PNPLA1: variants seen among roughly 807,000 people sequenced by gnomAD.
PNPLA1 encodes the protein omega-hydroxyceramide transacylase.
A neutral mutation model predicts 51.7 loss-of-function variants in PNPLA1; 36 were observed. That is an observed-to-expected ratio of 0.70 (90% CI 0.53 to 0.92). The LOEUF is 0.92. Among genes scored for constraint, PNPLA1 ranks in the 40% least tolerant of loss-of-function variants. PNPLA1 has a pLI of 0.00. For synonymous variants in PNPLA1, 293 were observed against 280.1 expected (o/e 1.05, Z -0.46); for missense variants, 658 against 682.5 (o/e 0.96, Z 0.40).
chr6:36,293,718 A>G (rs1770763089), intron 3 of PNPLA1, among the ~76,000 whole-genome samples: 1 of 152,184 alleles, frequency 6.6e-6, no homozygotes, highest in African/African-American at 2.4e-5. Context: ...CAGGTAGTAG[A>G]TGGAGCTTGT....
chr6:36,265,829 TC>T (rs978828590), upstream of PNPLA1, among the ~76,000 whole-genome samples: 17 of 152,330 alleles, frequency 1.1e-4, no homozygotes, highest in African/African-American at 3.8e-4. Context: ...TAGCCAGCCT[TC>T]AAATTTGCCC....
chr6:36,275,810 T>C (rs1312842419), intron 1 of PNPLA1, among the ~76,000 whole-genome samples: 1 of 152,220 alleles, frequency 6.6e-6, no homozygotes, highest in Non-Finnish European at 1.5e-5. Context: ...TCTTTCCATT[T>C]GTAAATATAG....
rs764676580 is a variant in PNPLA1, at chr6:36,313,292, A to G, written c.*1406A>G. 6.6e-6 allele frequency among the ~76,000 whole-genome samples: 1 copy of G among 152,176 alleles called. No homozygotes were observed. The highest frequency in any genetic ancestry group is 1.5e-5 in the Non-Finnish European group (1 of 68,038). ...CAGCCTCAATTTTTCCAGCCTGTCC[A>G]GAAAATAATTGCCCCCCTCCTCCCC... On this transcript the variant is annotated 3_prime_UTR_variant, in exon 9 of 9. Transcript: ENST00000636260.
chr6:36,302,307 T>G lies in PNPLA1; in HGVS notation c.1222T>G (p.Ser408Ala). 1 of 1,614,064 alleles carries G rather than the reference T, an allele frequency of 6.2e-7. No individual in the cohort carries two copies. The highest frequency in any genetic ancestry group is 8.5e-7 in the Non-Finnish European group (1 of 1,179,986). ...GTCACCTCAGCAGCAGGTACAACCG[T>G]CTGGATCACCAGCCAGATCCCTACA... ...PLSPQQQVQP[S>A]GSPARSLHSQ... Residue 408 changes from serine to alanine, a missense_variant, in exon 6 of 9, where the codon TCT (serine) becomes GCT (alanine). By Grantham distance (99) the Ser-to-Ala change is moderately conservative (BLOSUM62 1). Coordinates refer to ENST00000636260, the MANE Select transcript of PNPLA1 (RefSeq NM_001374623.1).
At chr6:36,293,646 G>A (rs1319853818) in intron 3 of PNPLA1, among the ~76,000 whole-genome samples, 1 of 152,172 alleles carries the variant, frequency 6.6e-6, no homozygotes, top group Non-Finnish European at 1.5e-5. Context: ...AGTGGTGATG[G>A]TCTAGCTCAT....
At chr6:36,247,555 A>T (rs1048819160) in intron 1 of PNPLA1, among the ~76,000 whole-genome samples, 1 of 152,244 alleles carries the variant, frequency 6.6e-6, no homozygotes, top group African/African-American at 2.4e-5. Context: ...ATTAAAGTGT[A>T]TAGTCGATGA....
chr6:36,274,868 CT>C (rs1770043067), intron 1 of PNPLA1, among the ~76,000 whole-genome samples: 1 of 152,202 alleles, frequency 6.6e-6, no homozygotes, highest in South Asian at 2.1e-4. Flanking sequence ...CCACCTTTCC[CT>C]GTTTTTTCCT....
chr6:36,291,632 C>T (rs775681480), intron 2 of PNPLA1, 80 bp downstream of exon 2: 143 of 1,218,536 alleles, frequency 1.2e-4, no homozygotes, highest in Non-Finnish European at 1.6e-4. Flanking sequence ...CAGCTCAACC[C>T]GATGCCTTAT....
intron 1 of PNPLA1, among the ~76,000 whole-genome samples, chr6:36,259,833 G>A (rs1053975001): frequency 6.6e-6 from 1 of 152,096 alleles, no homozygotes; most frequent in African/African-American, 2.4e-5. Context: ...GATCTACTAG[G>A]GAGGGAGGGA....
intron 8 of PNPLA1, chr6:36,308,492 A>G (rs184876003): frequency 2.6e-5 from 4 of 152,294 alleles, no homozygotes; most frequent in African/African-American, 7.2e-5. Flanking sequence ...CTTTTTGACT[A>G]TATTATGCTG....
rs1422852743 is a variant in PNPLA1, at chr6:36,306,285, C to A, written c.1385-7C>A. 3.0e-5 allele frequency: 49 copies of A among 1,607,358 alleles called. 1 individual carries two copies. The Admixed American group carries it at 8.4e-4, about 27-fold the overall frequency. ...CTCACTCCCGTTTCCTATATCTTTA[C>A]TTTTAGCTGTAGCTCTTCTTGTCTC... On this transcript the variant is annotated splice_polypyrimidine_tract_variant and splice_region_variant and intron_variant, in intron 6 of 8. Transcript: ENST00000636260.
chr6:36,302,805 A>G (rs1489682991), intron 6 of PNPLA1, among the ~76,000 whole-genome samples: 1 of 152,018 alleles, frequency 6.6e-6, no homozygotes, highest in East Asian at 1.9e-4. Context: ...TGCCTTTTTT[A>G]CAAGCCCTCC....
intron 1 of PNPLA1, among the ~76,000 whole-genome samples, chr6:36,247,104 C>T (rs1582018603): frequency 1.3e-5 from 2 of 152,276 alleles, no homozygotes; most frequent in East Asian, 3.9e-4. Context: ...GACCTCCTCT[C>T]CCCAGTGATC....
chr6:36,296,477 T>G (rs1305342135), intron 5 of PNPLA1, among the ~76,000 whole-genome samples: 1 of 152,226 alleles, frequency 6.6e-6, no homozygotes, highest in Non-Finnish European at 1.5e-5. Context: ...TGATCATTCC[T>G]TTGAGTTTCC....
chr6:36,313,601 A>C lies in PNPLA1; in HGVS notation c.*1715A>C, dbSNP rs1310792700. Among the ~76,000 whole-genome samples, 1 of 152,194 alleles carries C rather than the reference A, an allele frequency of 6.6e-6. No homozygotes were observed. The highest frequency in any genetic ancestry group is 1.9e-4 in the East Asian group (1 of 5,200). On this transcript the variant is annotated 3_prime_UTR_variant, in exon 9 of 9. Coordinates refer to ENST00000636260, the MANE Select transcript of PNPLA1 (RefSeq NM_001374623.1). Reference sequence around the variant, plus strand: ...ACTTTTGAGACCCTGAAAATGGTCAAAGTCCCAGGGGTCTTGCATCCTCTG... The same window carrying C: ...ACTTTTGAGACCCTGAAAATGGTCACAGTCCCAGGGGTCTTGCATCCTCTG...
chr6:36,312,129 T>C lies in PNPLA1; in HGVS notation c.*243T>C, dbSNP rs1289490544. 6.6e-6 allele frequency: 1 copy of C among 152,242 alleles called. No individual in the cohort carries two copies. The allele number at this position is 152,242 out of a possible 1,614,324, so 9.4% of individuals were successfully genotyped here. A position where few individuals can be genotyped will look rare whatever the true frequency, so the allele number is the denominator to read the frequency against. The stretch of plus-strand genomic sequence containing the variant: ...TAGAGCAAGACACTTGACTGACAAC[T>C]GCTAGAAAACTACAAAGAACATGCA... On this transcript the variant is annotated 3_prime_UTR_variant, in exon 9 of 9. Transcript: ENST00000636260.
chr6:36,261,305 A>G (rs781742362), intron 1 of PNPLA1, among the ~76,000 whole-genome samples: 1 of 152,236 alleles, frequency 6.6e-6, no homozygotes. Context: ...ACCACCATGA[A>G]TGGCAATCCT....
At chr6:36,245,604 G>C (rs1265405163) in intron 1 of PNPLA1, among the ~76,000 whole-genome samples, 1 of 152,194 alleles carries the variant, frequency 6.6e-6, no homozygotes, top group African/African-American at 2.4e-5. Context: ...AGGGAGGGGT[G>C]GGTGGCTCTG....
At chr6:36,305,117 G>A (rs1289460943) in intron 6 of PNPLA1, among the ~76,000 whole-genome samples, 3 of 152,080 alleles carry the variant, frequency 2.0e-5, no homozygotes, top group Admixed American at 6.6e-5. Flanking sequence ...TCCAACCCGC[G>A]GCCCAGATGG....
Sources: allele counts gnomAD v4.1 joint callset (sites outside exome capture counted in the v4.1 genomes callset), GRCh38; gene constraint gnomAD v4.1.1; transcripts MANE v1.5; gene names NCBI Gene and HGNC (gene_info 2026-07-23, HGNC 2026-07-21).